The following PRKCH variants were observed in gnomAD, a reference collection of about 807,000 sequenced individuals.
PRKCH encodes protein kinase C eta type.
PRKCH carries 28 observed loss-of-function variants against 82.5 expected under a neutral mutation model. That is an observed-to-expected ratio of 0.34 (90% CI 0.25 to 0.47). The LOEUF is 0.47. Among genes scored for constraint, PRKCH ranks in the 20% least tolerant of loss-of-function variants. The probability of loss-of-function intolerance (pLI) is 1.00; values close to 1 mark genes in which losing one functional copy is unlikely to be tolerated. For missense variants in PRKCH, 705 were observed against 881.8 expected, an observed-to-expected ratio of 0.80 and a Z score of 2.54; for synonymous variants, 322 against 327.4, an observed-to-expected ratio of 0.98 and a Z score of 0.18.
intron 10 of PRKCH, among the ~76,000 whole-genome samples, chr14:61,495,484 TAC>T (rs1253333834): frequency 6.6e-6 from 1 of 152,198 alleles, no homozygotes; most frequent in Non-Finnish European, 1.5e-5. Context: ...ACAAGAAAAA[TAC>T]AGTCATTTAA....
In PRKCH at chr14:61,485,619, G is replaced by T. The variant is rs1886185853; in HGVS notation, c.1396G>T (p.Ala466Ser). 6.2e-7 allele frequency: 1 copy of T among 1,613,958 alleles called. No individual in the cohort carries two copies. Among genetic ancestry groups the T allele is most frequent in the African/African-American group, 1.3e-5 (1 of 74,892 alleles). ...ARFYAAEIIS[A>S]LMFLHDKGII... ...CTTCTATGCTGCAGAAATCATTTCG[G>T]CTCTCATGTTCCTCCATGATAAAGG... Residue 466 changes from alanine to serine, a missense_variant, in exon 10 of 14, where the codon GCT becomes TCT. Ala to Ser is a moderately conservative substitution (Grantham distance 99, BLOSUM62 1). Coordinates refer to ENST00000332981, the MANE Select transcript of PRKCH (RefSeq NM_006255.5).
At chr14:61,430,916 G>T (rs1208610080) in intron 2 of PRKCH, among the ~76,000 whole-genome samples, 1 of 152,132 alleles carries the variant, frequency 6.6e-6, no homozygotes, top group Non-Finnish European at 1.5e-5. Context: ...CACCACGCCT[G>T]GCTAATTTTT....
intron 1 of PRKCH, among the ~76,000 whole-genome samples, chr14:61,222,596 A>G (rs2044663816): frequency 6.6e-6 from 1 of 152,218 alleles, no homozygotes; most frequent in South Asian, 2.1e-4. Context: ...GAACAACTCC[A>G]TGAACTTTTT....
chr14:61,281,936 C>T (rs2045273882), intron 1 of PRKCH: 1 of 126,900 alleles, frequency 7.9e-6, no homozygotes, highest in Non-Finnish European at 1.6e-5. Flanking sequence ...ATCACCCAGT[C>T]TGGCTGTATA....
At chr14:61,547,115 T>A (rs1566938605) in intron 12 of PRKCH, among the ~76,000 whole-genome samples, 1 of 152,154 alleles carries the variant, frequency 6.6e-6, no homozygotes, top group Admixed American at 6.5e-5. Flanking sequence ...GAAACAGCAG[T>A]GGTGGGGGGA....
chr14:61,530,585 T>C lies in PRKCH; in HGVS notation c.1751T>C (p.Ile584Thr), dbSNP rs754699381. ...TGGCTCCATGAAGATGCCACAGGGA[T>C]CCTAAAATCTGTAAGTTTGGCTTAC... ...PTWLHEDATG[I>T]LKSFMTKNPT... The change falls in exon 12 of 14, where the codon ATC (isoleucine) becomes ACC (threonine). Residue 584 changes from isoleucine (I) to threonine (T), a missense_variant. By Grantham distance (89) the Ile-to-Thr change is moderately conservative. Coordinates refer to ENST00000332981, the MANE Select transcript of PRKCH (RefSeq NM_006255.5). The C allele has an allele frequency of 6.3e-7, 1 of 1,593,336 alleles. No homozygotes were observed. Among genetic ancestry groups the C allele is most frequent in the African/African-American group, 1.3e-5 (1 of 74,856 alleles).
chr14:61,335,695 T>C (rs1033263610), intron 1 of PRKCH, among the ~76,000 whole-genome samples: 3 of 152,236 alleles, frequency 2.0e-5, no homozygotes, highest in African/African-American at 7.2e-5. Flanking sequence ...TTTTGCCTAT[T>C]TTGAATAGTT....
intron 6 of PRKCH, among the ~76,000 whole-genome samples, chr14:61,452,551 T>C (rs1395012705): frequency 6.6e-6 from 1 of 152,210 alleles, no homozygotes; most frequent in Non-Finnish European, 1.5e-5. Flanking sequence ...GAGCTTAGCT[T>C]TCTTTGCTCG....
At chr14:61,203,146 T>A (rs1264408799) in intron 1 of PRKCH, among the ~76,000 whole-genome samples, 2 of 152,146 alleles carry the variant, frequency 1.3e-5, no homozygotes, top group Non-Finnish European at 2.9e-5. Context: ...TACTGACTGC[T>A]GCCTGTGATA....
intron 1 of PRKCH, among the ~76,000 whole-genome samples, chr14:61,218,610 A>T (rs1198038920): frequency 1.3e-5 from 2 of 152,220 alleles, no homozygotes; most frequent in Non-Finnish European, 2.9e-5. Flanking sequence ...GAAGCAAAGC[A>T]TATACAGACA....
rs1306661027 is a variant in PRKCH at position 61,322,115 on chromosome 14, C to T, written c.14C>T (p.Thr5Ile). 2 of 1,572,346 alleles carry T rather than the reference C, an allele frequency of 1.3e-6. No individual in the cohort carries two copies. Among genetic ancestry groups the T allele is most frequent in the Non-Finnish European group, 1.7e-6 (2 of 1,156,266 alleles). ...AGCGGCGCCGGCATGTCGTCTGGCA[C>T]CATGAAGTTCAATGGCTATTTGAGG... Reference protein sequence around the residue: MSSGTMKFNGYLRVR... With the variant: MSSGIMKFNGYLRVR... Residue 5 changes from threonine (T) to isoleucine (I), a missense_variant, in exon 1 of 14, where the codon ACC becomes ATC. Thr to Ile is a moderately conservative substitution (Grantham distance 89). This residue lies in a region of PRKCH where 246 missense variants were observed against 308.0 expected (regional missense o/e 0.80). Coordinates refer to ENST00000332981, the MANE Select transcript of PRKCH (RefSeq NM_006255.5).
intron 1 of PRKCH, among the ~76,000 whole-genome samples, chr14:61,217,620 C>T (rs12435428): frequency 0.078 from 11,861 of 152,230 alleles, 755 homozygotes; most frequent in Admixed American, 0.22. Context: ...ACAGGAACAT[C>T]ATCAGCTTCT....
chr14:61,242,437 G>A lies in PRKCH; in HGVS notation c.-19+54769G>A, dbSNP rs1329902271. On this transcript the variant is annotated intron_variant, in intron 1 of 3. Transcript: ENST00000555185. Reference sequence around the variant, plus strand: ...TTTTTTGAGACAGAGTCTCACTGTCGCCCAGGCTGGAGTGCAGTGGCACGA... The same window carrying A: ...TTTTTTGAGACAGAGTCTCACTGTCACCCAGGCTGGAGTGCAGTGGCACGA... 1.1e-4 allele frequency among the ~76,000 whole-genome samples: 17 copies of A among 152,236 alleles called. No individual in the cohort carries two copies. The South Asian group carries it at 1.2e-3, about 11-fold the overall frequency.
intron 2 of PRKCH, among the ~76,000 whole-genome samples, chr14:61,432,794 G>T (rs1883469990): frequency 6.6e-6 from 1 of 151,872 alleles, no homozygotes; most frequent in African/African-American, 2.4e-5. Flanking sequence ...GACTGGTTTT[G>T]TACTCCTGGC....
At chr14:61,450,122 A>G (rs929149655) in intron 5 of PRKCH, among the ~76,000 whole-genome samples, 2 of 152,252 alleles carry the variant, frequency 1.3e-5, no homozygotes, top group Non-Finnish European at 2.9e-5. Flanking sequence ...GAGTATACCT[A>G]GAGGTATAAA....
intron 9 of PRKCH, among the ~76,000 whole-genome samples, chr14:61,476,800 A>T (rs1247996906): frequency 6.6e-6 from 1 of 152,200 alleles, no homozygotes; most frequent in East Asian, 1.9e-4. Context: ...TGGGCTTGAC[A>T]CAGGGGTTGC....
chr14:61,240,452 G>A (rs917076442), intron 1 of PRKCH, among the ~76,000 whole-genome samples: 2 of 152,146 alleles, frequency 1.3e-5, no homozygotes, highest in South Asian at 2.1e-4. Flanking sequence ...CTGCACATGT[G>A]GTGTTACCTG....
chr14:61,331,809 A>G (rs2140128012), intron 1 of PRKCH, among the ~76,000 whole-genome samples: 1 of 152,368 alleles, frequency 6.6e-6, no homozygotes, highest in East Asian at 1.9e-4. Context: ...TAAACTGTCA[A>G]AATGAATTAT....
chr14:61,501,699 G>T (rs1459701841), intron 10 of PRKCH, among the ~76,000 whole-genome samples: 1 of 152,140 alleles, frequency 6.6e-6, no homozygotes, highest in Non-Finnish European at 1.5e-5. Flanking sequence ...TGGAAACACA[G>T]TATCATTTAT....
Sources: gnomAD v4.1 joint callset for allele counts (sites outside exome capture counted in the v4.1 genomes callset) on GRCh38, gnomAD v4.1.1 for gene constraint, gnomAD v4.1.1 regional missense constraint, MANE v1.5 for transcripts, NCBI Gene and HGNC (gene_info 2026-07-23, HGNC 2026-07-21) for gene names.